Variants in CECR2 observed in about 807,000 individuals in gnomAD.
CECR2 encodes the protein chromatin remodeling regulator CECR2.
A neutral mutation model predicts 154.5 loss-of-function variants in CECR2; 30 were observed. The ratio of observed to expected loss-of-function variants is 0.19; its 90% CI spans 0.15 to 0.26. CECR2 has a LOEUF of 0.26. CECR2 is among the 10% of genes least tolerant of loss of function. The probability of loss-of-function intolerance (pLI) is 1.00; values close to 1 mark genes in which losing one functional copy is unlikely to be tolerated. For missense variants in CECR2, 1,743 were observed against 1,829.3 expected, an observed-to-expected ratio of 0.95 and a Z score of 0.86; for synonymous variants, 725 against 683.7, an observed-to-expected ratio of 1.06 and a Z score of -0.94.
chr22:17,518,743 AC>A (rs529843716), intron 8 of CECR2: 113 of 389,276 alleles, frequency 2.9e-4, no homozygotes, highest in African/African-American at 2.3e-3. Flanking sequence ...TCCCTTCTTA[AC>A]ACCTCTGCCT....
At chr22:17,405,639 CAAAAAAAAAAA>C (rs58874516) in intron 1 of CECR2, among the ~76,000 whole-genome samples, 6,861 of 72,338 alleles carry the variant, frequency 0.095, 608 homozygotes, top group East Asian at 0.35. Context: ...GACTCCATCT[CAAAAAAAAAAA>C]AAAAAAAAAA....
intron 9 of CECR2, among the ~76,000 whole-genome samples, chr22:17,524,679 A>C (rs1010332697): frequency 1.7e-5 from 2 of 119,960 alleles, no homozygotes; most frequent in African/African-American, 3.3e-5. Context: ...GGCATGAGCC[A>C]CCATGCCTGG....
intron 7 of CECR2, among the ~76,000 whole-genome samples, chr22:17,508,834 G>A (rs143190469): frequency 5.0e-4 from 76 of 152,298 alleles, no homozygotes; most frequent in African/African-American, 1.8e-3. Context: ...TGTTAATAGC[G>A]AGAAGTAAAA....
In CECR2 at chr22:17,499,469, A is replaced by G. The variant is rs753135447; in HGVS notation, c.465A>G (p.Leu155=). Residue 155 remains leucine (L), a synonymous_variant, in exon 4 of 19, where the codon CTA becomes CTG. Coordinates refer to ENST00000262608, the MANE Select transcript of CECR2 (RefSeq NM_001290047.2). ...EPLGEDNSGA[L]YWYFYGTRMY... is the part of the protein sequence containing the mutation. ...TGGGTGAAGACAATTCTGGGGCACT[A>G]TATTGGTATTTCTATGGAACACGAA... 1.7e-5 allele frequency: 28 copies of G among 1,613,798 alleles called. No homozygotes were observed. Among genetic ancestry groups the G allele is most frequent in the Middle Eastern group, 3.3e-4 (2 of 6,084 alleles).
In CECR2 at chr22:17,540,417, A is replaced by T. The variant is rs146626965; in HGVS notation, c.1501A>T (p.Thr501Ser). 18 of 1,544,258 alleles carry T rather than the reference A, an allele frequency of 1.2e-5. No homozygotes were observed. The highest frequency in any genetic ancestry group is 1.0e-5 in the Non-Finnish European group (12 of 1,144,704). ...ATCCTCCTGTCTTCCTATAGAGTAT[A>T]CCAAGATGTCTGATAATTTAGAGAG... ...RKYNGESSEY[T>S]KMSDNLERCF... Residue 501 changes from threonine (T) to serine (S), a missense_variant, in exon 14 of 19, where the codon ACC (threonine) becomes TCC (serine). Physicochemically the swap from Thr to Ser is moderately conservative, Grantham distance 58. Transcript: ENST00000262608.
At chr22:17,509,957 C>T (rs765329153) in intron 7 of CECR2, among the ~76,000 whole-genome samples, 4 of 152,096 alleles carry the variant, frequency 2.6e-5, no homozygotes, top group African/African-American at 9.7e-5. Flanking sequence ...GCTGTGATGG[C>T]CATATAAAAG....
intron 1 of CECR2, among the ~76,000 whole-genome samples, chr22:17,382,508 T>C (rs1386256391): frequency 2.0e-5 from 3 of 152,212 alleles, no homozygotes; most frequent in Non-Finnish European, 2.9e-5. Context: ...ACATGAAATT[T>C]TTGGTTTCAC....
At chr22:17,419,697 G>A (rs1601326266) in intron 1 of CECR2, 2 of 316,946 alleles carry the variant, frequency 6.3e-6, no homozygotes, top group East Asian at 1.3e-4. Context: ...AAAAATAGTG[G>A]CGAGCTGGAG....
chr22:17,445,206 C>T (rs2146678551), intron 1 of CECR2, among the ~76,000 whole-genome samples: 1 of 152,202 alleles, frequency 6.6e-6, no homozygotes, highest in African/African-American at 2.4e-5. Context: ...TTTTCATTTC[C>T]TTGAGAAGAA....
chr22:17,548,478 G>A lies in CECR2; in HGVS notation c.3191G>A (p.Cys1064Tyr). ...GGAGTCATTGGGGAAGCATCTCCTT[G>A]TGGATCGGAGGGGAAGGGCCTTGGT... The part of the protein sequence containing the change: ...ENGVIGEASP[C>Y]GSEGKGLGSS... The change falls in exon 17 of 19, where the codon TGT (cysteine) becomes TAT (tyrosine). Residue 1064 changes from cysteine to tyrosine, a missense_variant. This residue lies in a region of CECR2 where 1,250 missense variants were observed against 1,192.1 expected (regional missense o/e 1.05). Coordinates refer to ENST00000262608, the MANE Select transcript of CECR2 (RefSeq NM_001290047.2). 6.2e-7 allele frequency: 1 copy of A among 1,613,982 alleles called. No individual in the cohort carries two copies. Among genetic ancestry groups the A allele is most frequent in the East Asian group, 2.2e-5 (1 of 44,872 alleles).
At chr22:17,525,542 G>GT (rs1033069631) in intron 9 of CECR2, among the ~76,000 whole-genome samples, 34 of 152,086 alleles carry the variant, frequency 2.2e-4, no homozygotes, top group African/African-American at 7.5e-4. Flanking sequence ...GGAGGTGGAA[G>GT]TTGCAGTGAG....
Position 17,422,828 on chromosome 22 carries a change from C to T in CECR2, c.126+52919C>T, listed in dbSNP as rs115928790. On this transcript the variant is annotated intron_variant, in intron 1 of 18. Transcript: ENST00000262608. ...CATCAGTGGCATTCTTCATTTCTGT[C>T]ACCATGCTTTGCTCTCTGGCACTTC... Among the ~76,000 whole-genome samples, 174 of 152,096 alleles carry T rather than the reference C, an allele frequency of 1.1e-3. 1 individual carries two copies. The highest frequency in any genetic ancestry group is 4.1e-3 in the African/African-American group (170 of 41,494).
intron 8 of CECR2, chr22:17,518,797 C>A: frequency 2.9e-6 from 1 of 346,272 alleles, no homozygotes; most frequent in South Asian, 2.8e-5. Context: ...AGCCAGTTTT[C>A]TTTTTTCACC....
intron 1 of CECR2, among the ~76,000 whole-genome samples, chr22:17,386,471 C>T (rs1205392723): frequency 6.6e-6 from 1 of 152,090 alleles, no homozygotes; most frequent in African/African-American, 2.4e-5. Flanking sequence ...AGTTGTAGGG[C>T]CCCCTTTCTC....
intron 1 of CECR2, among the ~76,000 whole-genome samples, chr22:17,438,619 A>AT (rs59612229): frequency 0.17 from 24,509 of 147,366 alleles, 3,920 homozygotes; most frequent in African/African-American, 0.41. Context: ...ACATTATGAG[A>AT]TTTTTTTTTT....
chr22:17,540,756 C>G lies in CECR2; in HGVS notation c.1840C>G (p.His614Asp). 1 of 1,604,550 alleles carries G rather than the reference C, an allele frequency of 6.2e-7. No individual in the cohort carries two copies. Among genetic ancestry groups the G allele is most frequent in the Admixed American group, 1.7e-5 (1 of 58,496 alleles). ...TGGCCGAGGTTTTTCTCATCCCCTGCATTGTGGTGGGACACCCAGCCAGGC... is the reference window on the plus strand; with the variant it reads ...TGGCCGAGGTTTTTCTCATCCCCTGGATTGTGGTGGGACACCCAGCCAGGC... ...SNGRGFSHPL[H>D]CGGTPSQAPF... Residue 614 changes from histidine to aspartate, a missense_variant, in exon 14 of 19, where the codon CAT becomes GAT. Around this residue, in one of 4 missense-constraint regions of CECR2, gnomAD observed 1,250 missense variants for 1,192.1 expected, o/e 1.05. Transcript: ENST00000262608.
Position 17,548,348 on chromosome 22 carries a change from G to A in CECR2, c.3061G>A (p.Gly1021Ser). ...TGCGGACAACTGTAAAGCAATGAAG[G>A]GCAAGAATCCCTGGCCCTCGGATAG... ...ESADNCKAMKGKNPWPSDSSY... is the reference protein window; with the variant it reads ...ESADNCKAMKSKNPWPSDSSY... Residue 1021 changes from glycine to serine, a missense_variant, in exon 17 of 19, where the codon GGC (glycine) becomes AGC (serine). Transcript: ENST00000262608. 1.2e-6 allele frequency: 2 copies of A among 1,612,492 alleles called. No homozygotes were observed. Among genetic ancestry groups the A allele is most frequent in the Non-Finnish European group, 1.7e-6 (2 of 1,179,296 alleles).
At chr22:17,414,501 C>CT (rs11421612) in intron 1 of CECR2, among the ~76,000 whole-genome samples, 61,830 of 132,104 alleles carry the variant, frequency 0.47, 14,811 homozygotes, top group African/African-American at 0.64. Flanking sequence ...TATCAGTTTT[C>CT]TTTTTTTTTT....
intron 1 of CECR2, among the ~76,000 whole-genome samples, chr22:17,467,035 A>G (rs1344712141): frequency 6.6e-6 from 1 of 152,074 alleles, no homozygotes; most frequent in Non-Finnish European, 1.5e-5. Context: ...GAGTGTTCAT[A>G]AAGTTTTTCC....
Sources: allele counts gnomAD v4.1 joint callset (sites outside exome capture counted in the v4.1 genomes callset), GRCh38; gene constraint gnomAD v4.1.1; regional missense constraint gnomAD v4.1.1; transcripts MANE v1.5; gene names NCBI Gene and HGNC (gene_info 2026-07-23, HGNC 2026-07-21).